The following SMURF1 variants were observed in gnomAD, a reference collection of about 807,000 sequenced individuals.
SMURF1 encodes the protein E3 ubiquitin-protein ligase SMURF1.
SMURF1 carries 44 observed loss-of-function variants against 98.0 expected under a neutral mutation model. The ratio of observed to expected loss-of-function variants is 0.45; its 90% CI spans 0.35 to 0.58. SMURF1 has a LOEUF of 0.58. SMURF1 is among the 20% of genes least tolerant of loss of function. SMURF1 has a pLI of 0.00. For missense variants in SMURF1, 687 were observed against 938.4 expected (o/e 0.73, Z 3.50); for synonymous variants, 396 against 374.9 (o/e 1.06, Z -0.65).
At position 99,051,202 on chromosome 7, in the gene SMURF1, C is replaced by G. The variant is rs1253617850; in HGVS notation, c.806+155G>C. 2.6e-5 allele frequency among the ~76,000 whole-genome samples: 4 copies of G among 152,154 alleles called. 1 individual carries two copies. Among genetic ancestry groups the G allele is most frequent in the Admixed American group, 2.0e-4 (3 of 15,278 alleles). Reference sequence around the variant, plus strand: ...CAAATGTACCCCTGTCTACTCCCCCCACCCCAGCTTATCTGAAGGAAATCC... The same window carrying G: ...CAAATGTACCCCTGTCTACTCCCCCGACCCCAGCTTATCTGAAGGAAATCC... On this transcript the variant is annotated intron_variant, in intron 8 of 17. Transcript: ENST00000361368.
intron 1 of SMURF1, 37 bp downstream of exon 1, chr7:99,143,689 G>A: frequency 6.5e-7 from 1 of 1,529,752 alleles, no homozygotes; most frequent in Non-Finnish European, 8.8e-7. Flanking sequence ...CGGGCGAGGG[G>A]GCGCCGGGGC....
intron 1 of SMURF1, among the ~76,000 whole-genome samples, chr7:99,142,127 C>T (rs1208039328): frequency 1.3e-5 from 2 of 152,220 alleles, no homozygotes; most frequent in African/African-American, 4.8e-5. Flanking sequence ...AACAGGTTGG[C>T]ATCACATCCG....
At chr7:99,038,310 C>CACACACATGT (rs1189112776) in intron 14 of SMURF1, 78 bp downstream of exon 14, 2 of 1,539,448 alleles carry the variant, frequency 1.3e-6, no homozygotes, top group East Asian at 4.5e-5. Flanking sequence ...AGGCCTCACA[C>CACACACATGT]AGCGAAGGAG....
At chr7:99,078,596 C>G (rs891517841) in intron 1 of SMURF1, among the ~76,000 whole-genome samples, 1 of 152,174 alleles carries the variant, frequency 6.6e-6, no homozygotes, top group East Asian at 1.9e-4. Flanking sequence ...TGTTTACAGC[C>G]GCTCCTGATC....
intron 1 of SMURF1, among the ~76,000 whole-genome samples, chr7:99,086,731 A>T (rs1327336276): frequency 1.3e-5 from 2 of 152,260 alleles, no homozygotes; most frequent in Non-Finnish European, 2.9e-5. Flanking sequence ...TTATTCAGCC[A>T]TGAAAAGAAT....
chr7:99,078,818 C>A (rs542127292), intron 1 of SMURF1, among the ~76,000 whole-genome samples: 1 of 152,222 alleles, frequency 6.6e-6, no homozygotes, highest in Non-Finnish European at 1.5e-5. Context: ...AGGGCTCCCA[C>A]TGACTCTGCA....
In SMURF1 at chr7:99,033,088, G is replaced by A; in HGVS notation, c.2045C>T (p.Thr682Ile). ...TGTGTTCGCGTCTATCAGGTGGATG[G>A]TGAACAGCCGGGGCCCTGCCGCGCC... Reference protein sequence around the residue: ...STGAAGPRLFTIHLIDANTDN... With the variant: ...STGAAGPRLFIIHLIDANTDN... The change falls in exon 17 of 18, where the codon ACC (threonine) becomes ATC (isoleucine). Residue 682 changes from threonine to isoleucine, a missense_variant. Coordinates refer to ENST00000361368, the MANE Select transcript of SMURF1 (RefSeq NM_181349.3). 6.3e-7 allele frequency: 1 copy of A among 1,590,024 alleles called. No homozygotes were observed. Among genetic ancestry groups the A allele is most frequent in the Non-Finnish European group, 8.6e-7 (1 of 1,167,486 alleles).
chr7:99,034,111 C>T (rs1281504192), intron 16 of SMURF1, among the ~76,000 whole-genome samples: 3 of 152,188 alleles, frequency 2.0e-5, no homozygotes, highest in Non-Finnish European at 2.9e-5. Context: ...AAGCTGGCTC[C>T]TCCCCCTCAC....
chr7:99,030,644 C>G lies in SMURF1; in HGVS notation c.2136G>C (p.Glu712Asp). 1 of 1,614,146 alleles carries G rather than the reference C, an allele frequency of 6.2e-7. No homozygotes were observed. Among genetic ancestry groups the G allele is most frequent in the East Asian group, 2.2e-5 (1 of 44,876 alleles). The change falls in exon 18 of 18, where the codon GAG (glutamate) becomes GAC (aspartate). Residue 712 changes from glutamate to aspartate, a missense_variant. By Grantham distance (45) the Glu-to-Asp change is conservative. Around this residue, in one of 2 missense-constraint regions of SMURF1, gnomAD observed 272 missense variants for 430.0 expected, o/e 0.63. Transcript: ENST00000361368. Reference sequence around the variant, plus strand: ...CTGTCAGCAGCTTCTCGTAGAGCTTCTCATAGGACTCATATGGTGGAATGT... The same window carrying G: ...CTGTCAGCAGCTTCTCGTAGAGCTTGTCATAGGACTCATATGGTGGAATGT... ...RIDIPPYESY[E>D]KLYEKLLTAV...
intron 17 of SMURF1, among the ~76,000 whole-genome samples, chr7:99,032,470 A>G (rs1350017924): frequency 6.6e-6 from 1 of 152,226 alleles, no homozygotes; most frequent in Admixed American, 6.5e-5. Context: ...GGAGTTCCAG[A>G]CTAGCCTGGC....
chr7:99,049,836 C>T (rs545820154), intron 8 of SMURF1, 127 bp from the exon 9 acceptor site: 2 of 876,364 alleles, frequency 2.3e-6, no homozygotes, highest in Non-Finnish European at 3.4e-6. Context: ...CTAAGATGGA[C>T]CTTCGTGGTG....
chr7:99,048,290 G>A, intron 9 of SMURF1: 1 of 179,794 alleles, frequency 5.6e-6, no homozygotes. Context: ...TCAGGAGGCT[G>A]AGACAGGGAA....
chr7:99,030,635 G>GTAGAGCTTCTCA lies in SMURF1; in HGVS notation c.2133_2144dup (p.Tyr715_Leu718dup). 1 of 1,614,136 alleles carries GTAGAGCTTCTCA rather than the reference G, an allele frequency of 6.2e-7. No individual in the cohort carries two copies. Among genetic ancestry groups the GTAGAGCTTCTCA allele is most frequent in the Non-Finnish European group, 8.5e-7 (1 of 1,180,020 alleles). Reference sequence around the variant, plus strand: ...CCTCCACGGCTGTCAGCAGCTTCTCGTAGAGCTTCTCATAGGACTCATATG... The same window carrying GTAGAGCTTCTCA: ...CCTCCACGGCTGTCAGCAGCTTCTCGTAGAGCTTCTCATAGAGCTTCTCATAGGACTCATATG... On this transcript the variant is annotated inframe_insertion, in exon 18 of 18. Transcript: ENST00000361368.
intron 1 of SMURF1, among the ~76,000 whole-genome samples, chr7:99,085,007 C>T (rs532442045): frequency 2.0e-4 from 30 of 152,216 alleles, no homozygotes; most frequent in African/African-American, 6.7e-4. Flanking sequence ...TCCTCCTGCT[C>T]TGGCCATGTA....
intron 1 of SMURF1, among the ~76,000 whole-genome samples, chr7:99,069,112 T>C (rs1366536637): frequency 6.6e-6 from 1 of 152,118 alleles, no homozygotes; most frequent in African/African-American, 2.4e-5. Flanking sequence ...ATGAAAGAGG[T>C]AACAAAAAAC....
At chr7:99,072,074 G>A (rs960215669) in intron 1 of SMURF1, among the ~76,000 whole-genome samples, 5 of 151,426 alleles carry the variant, frequency 3.3e-5, no homozygotes, top group African/African-American at 7.3e-5. Context: ...GTGAGATGCC[G>A]TCTCTTTAAA....
intron 1 of SMURF1, among the ~76,000 whole-genome samples, chr7:99,111,157 A>C (rs940621945): frequency 6.6e-6 from 1 of 152,240 alleles, no homozygotes; most frequent in Non-Finnish European, 1.5e-5. Flanking sequence ...CTAATAAATA[A>C]ATTTTAAAGG....
In SMURF1 at chr7:99,033,065, T is replaced by C; in HGVS notation, c.2068A>G (p.Thr690Ala). 1.3e-6 allele frequency: 2 copies of C among 1,593,594 alleles called. No homozygotes were observed. Among genetic ancestry groups the C allele is most frequent in the Non-Finnish European group, 1.7e-6 (2 of 1,169,400 alleles). Reference sequence around the variant, plus strand: ...GTATGGGCCTTCGGAAGGTTGTCTGTGTTCGCGTCTATCAGGTGGATGGTG... The same window carrying C: ...GTATGGGCCTTCGGAAGGTTGTCTGCGTTCGCGTCTATCAGGTGGATGGTG... ...LFTIHLIDAN[T>A]DNLPKAHTCF... The change falls in exon 17 of 18, where the codon ACA becomes GCA. Residue 690 changes from threonine to alanine, a missense_variant. By Grantham distance (58) the Thr-to-Ala change is moderately conservative (BLOSUM62 0). Transcript: ENST00000361368.
chr7:99,041,223 A>C (rs1373657051), intron 12 of SMURF1, among the ~76,000 whole-genome samples: 2 of 152,062 alleles, frequency 1.3e-5, no homozygotes, highest in African/African-American at 4.8e-5. Context: ...CCAACATGGC[A>C]AAACCCCATC....
Sources: allele counts gnomAD v4.1 joint callset (sites outside exome capture counted in the v4.1 genomes callset), GRCh38; gene constraint gnomAD v4.1.1; regional missense constraint gnomAD v4.1.1; transcripts MANE v1.5; gene names NCBI Gene and HGNC (gene_info 2026-07-23, HGNC 2026-07-21).